Variants in TSKU observed in about 807,000 individuals in gnomAD.
The protein encoded by TSKU is tsukushi, small leucine rich proteoglycan.
Under a neutral mutation model 11.2 loss-of-function variants are expected in TSKU, and 4 were observed. The observed-to-expected ratio is 0.36, with a 90% CI of 0.18 to 0.82. TSKU has a LOEUF of 0.82. TSKU is among the 40% of genes least tolerant of loss of function. The pLI, the probability that TSKU is intolerant of heterozygous loss-of-function variation, is 0.50. For synonymous variants in TSKU, 220 were observed against 232.2 expected, an observed-to-expected ratio of 0.95 and a Z score of 0.48; for missense variants, 407 against 482.5, an observed-to-expected ratio of 0.84 and a Z score of 1.47.
At position 76,795,782 on chromosome 11, in the gene TSKU, A is replaced by G; in HGVS notation, c.166A>G (p.Ile56Val). 6.2e-7 allele frequency: 1 copy of G among 1,614,078 alleles called. No homozygotes were observed. The highest frequency in any genetic ancestry group is 1.1e-5 in the South Asian group (1 of 91,082). ...GLGPHIMPVP[I>V]PLDTAHLDLS... The stretch of plus-strand genomic sequence containing the variant: ...GGGCCCCCACATCATGCCGGTGCCC[A>G]TCCCTCTGGACACAGCCCACTTGGA... The change falls in exon 2 of 2, where the codon ATC becomes GTC. Residue 56 changes from isoleucine (I) to valine (V), a missense_variant. Ile to Val is a conservative substitution (Grantham distance 29). Transcript: ENST00000333090.
At chr11:76,786,451 T>C (rs1232842268) in intron 1 of TSKU, among the ~76,000 whole-genome samples, 2 of 152,122 alleles carry the variant, frequency 1.3e-5, no homozygotes, top group Admixed American at 6.5e-5. Context: ...GAACAACGTG[T>C]GCAAAAAGGC....
chr11:76,796,777 C>T lies in TSKU; in HGVS notation c.*99C>T, dbSNP rs1041594185. 1.3e-5 allele frequency: 13 copies of T among 971,870 alleles called. No individual in the cohort carries two copies. The highest frequency in any genetic ancestry group is 1.6e-5 in the African/African-American group (1 of 60,832). The allele number at this position is 971,870 out of a possible 1,614,324, so 60.2% of individuals were successfully genotyped here. A position where few individuals can be genotyped will look rare whatever the true frequency, so the allele number is the denominator to read the frequency against. Reference sequence around the variant, plus strand: ...AATGTGCCAACACCAGTGGGGAGCCCGCAGGCCTATGTGGCAGCGTCACCA... The same window carrying T: ...AATGTGCCAACACCAGTGGGGAGCCTGCAGGCCTATGTGGCAGCGTCACCA... On this transcript the variant is annotated 3_prime_UTR_variant, in exon 2 of 2. Transcript: ENST00000333090. The surrounding 1 kb of genome is among the most constrained non-coding windows in gnomAD (Gnocchi z 4.1).
rs755176014 is a variant in TSKU, at chr11:76,796,473, T to A, written c.857T>A (p.Leu286His). The A allele has an allele frequency of 1.9e-6, 3 of 1,613,214 alleles. No homozygotes were observed. The highest frequency in any genetic ancestry group is 3.3e-5 in the Admixed American group (2 of 60,024). ...CTGAGCTCCCTGCAGGAGCTGGACC[T>A]TTCGGGCACCAACCTGGTGCCCCTG... Reference protein sequence around the residue: ...SGLSSLQELDLSGTNLVPLPE... With the variant: ...SGLSSLQELDHSGTNLVPLPE... Residue 286 changes from leucine to histidine, a missense_variant, in exon 2 of 2, where the codon CTT becomes CAT. Coordinates refer to ENST00000333090, the MANE Select transcript of TSKU (RefSeq NM_015516.4). The surrounding 1 kb of genome is among the most constrained non-coding windows in gnomAD (Gnocchi z 4.1).
chr11:76,796,919 A>C lies in TSKU; in HGVS notation c.*241A>C. 1 of 366,652 alleles carries C rather than the reference A, an allele frequency of 2.7e-6. No individual in the cohort carries two copies. Among genetic ancestry groups the C allele is most frequent in the Non-Finnish European group, 5.1e-6 (1 of 196,190 alleles). The allele number at this position is 366,652 out of a possible 1,614,324, so 22.7% of individuals were successfully genotyped here. ...ATGAGCAGAGGGACTTCGATGCCAAACCAGACTCGGGTCCCCTCCTGCTTC... is the reference window on the plus strand; with the variant it reads ...ATGAGCAGAGGGACTTCGATGCCAACCCAGACTCGGGTCCCCTCCTGCTTC... On this transcript the variant is annotated 3_prime_UTR_variant, in exon 2 of 2. Coordinates refer to ENST00000333090, the MANE Select transcript of TSKU (RefSeq NM_015516.4). This position sits in a 1 kb window ranked among gnomAD's most constrained non-coding sequence, Gnocchi z 4.1.
At chr11:76,790,742 T>C (rs1438064562) in intron 1 of TSKU, among the ~76,000 whole-genome samples, 1 of 152,228 alleles carries the variant, frequency 6.6e-6, no homozygotes, top group East Asian at 1.9e-4. Context: ...CTTTCTTTTA[T>C]ATGTTGCCCA....
chr11:76,796,359 G>A lies in TSKU; in HGVS notation c.743G>A (p.Ser248Asn), dbSNP rs11236938. The A allele has an allele frequency of 0.037, 59,174 of 1,613,256 alleles. 2,294 individuals carry two copies. The highest frequency in any genetic ancestry group is 0.2 in the African/African-American group (15,369 of 75,020). The change falls in exon 2 of 2, where the codon AGT (serine) becomes AAT (asparagine). Residue 248 changes from serine to asparagine, a missense_variant. Coordinates refer to ENST00000333090, the MANE Select transcript of TSKU (RefSeq NM_015516.4). The surrounding 1 kb of genome is among the most constrained non-coding windows in gnomAD (Gnocchi z 4.1). ...SLQRLPELAP[S>N]GFRELPGLQV... ...CAGAGGCTCCCTGAGCTGGCGCCCA[G>A]TGGCTTCCGTGAGCTACCGGGCCTG...
Position 76,795,981 on chromosome 11 carries a change from C to T in TSKU, c.365C>T (p.Ala122Val). ...GACCTCAGCCACAATGGCCTGACAG[C>T]CCTGCCAGCCGAGAGCTTCACCAGC... The part of the protein sequence containing the change: ...SLDLSHNGLT[A>V]LPAESFTSSP... Residue 122 changes from alanine to valine, a missense_variant, in exon 2 of 2, where the codon GCC becomes GTC. Transcript: ENST00000333090. 1 of 1,613,946 alleles carries T rather than the reference C, an allele frequency of 6.2e-7. No homozygotes were observed. The highest frequency in any genetic ancestry group is 8.5e-7 in the Non-Finnish European group (1 of 1,180,040).
At chr11:76,789,868 C>T (rs1944348599) in intron 1 of TSKU, among the ~76,000 whole-genome samples, 1 of 152,020 alleles carries the variant, frequency 6.6e-6, no homozygotes, top group African/African-American at 2.4e-5. Flanking sequence ...CCAAAGAAAA[C>T]AGGGAAGGTC....
Position 76,798,107 on chromosome 11 carries a change from C to T in TSKU, c.*1429C>T. The T allele has an allele frequency of 6.0e-6, 1 of 167,264 alleles. No homozygotes were observed. 10.4% of individuals were successfully genotyped at this position (167,264 alleles called of 1,614,324 possible). Reference sequence around the variant, plus strand: ...CCCACCTGCCTAGCCCATCATCTATCTAACCGGTCCTTGATTTAATAAACA... The same window carrying T: ...CCCACCTGCCTAGCCCATCATCTATTTAACCGGTCCTTGATTTAATAAACA... On this transcript the variant is annotated 3_prime_UTR_variant, in exon 2 of 2. Coordinates refer to ENST00000333090, the MANE Select transcript of TSKU (RefSeq NM_015516.4).
rs75322226 is a variant in TSKU, at chr11:76,787,500, T to A, written c.-9+4096T>A. ...GACTCTGGACAGATCACAGAACCTC[T>A]CTGGACTTCTTAACACAGCTGTAAA... is the stretch of plus-strand genomic sequence containing the variant. On this transcript the variant is annotated intron_variant, in intron 1 of 1. Coordinates refer to ENST00000333090, the MANE Select transcript of TSKU (RefSeq NM_015516.4). Among the ~76,000 whole-genome samples, 1,272 of 152,296 alleles carry A rather than the reference T, an allele frequency of 8.4e-3. 13 individuals are homozygous for A. Among genetic ancestry groups the A allele is most frequent in the African/African-American group, 0.029 (1,192 of 41,548 alleles).
At chr11:76,787,996 C>G (rs1049949286) in intron 1 of TSKU, among the ~76,000 whole-genome samples, 1 of 152,194 alleles carries the variant, frequency 6.6e-6, no homozygotes, top group Non-Finnish European at 1.5e-5. Flanking sequence ...TCCAGATGTG[C>G]TGCATTGGTG....
At chr11:76,794,400 C>T (rs1329669705) in intron 1 of TSKU, among the ~76,000 whole-genome samples, 2 of 152,236 alleles carry the variant, frequency 1.3e-5, no homozygotes, top group Admixed American at 6.5e-5. Flanking sequence ...GACACTGGCT[C>T]ATGCCACAGC....
rs139836879 is a variant in TSKU, at chr11:76,796,378, G to A, written c.762G>A (p.Pro254=). The change falls in exon 2 of 2, where the codon CCG becomes CCA. Residue 254 remains proline, a synonymous_variant. Coordinates refer to ENST00000333090, the MANE Select transcript of TSKU (RefSeq NM_015516.4). The surrounding 1 kb of genome is among the most constrained non-coding windows in gnomAD (Gnocchi z 4.1). ...ELAPSGFREL[P]GLQVLDLSGN... is the part of the protein sequence containing the mutation. The stretch of plus-strand genomic sequence containing the variant: ...CGCCCAGTGGCTTCCGTGAGCTACC[G>A]GGCCTGCAGGTCCTGGACCTGTCGG... The A allele has an allele frequency of 3.0e-3, 4,862 of 1,613,352 alleles. 17 individuals are homozygous for A. The highest frequency in any genetic ancestry group is 4.0e-3 in the South Asian group (366 of 91,080).
Position 76,790,698 on chromosome 11 carries a change from C to T in TSKU, c.-8-4911C>T, listed in dbSNP as rs185473485. Among the ~76,000 whole-genome samples, 7 of 152,272 alleles carry T rather than the reference C, an allele frequency of 4.6e-5. No homozygotes were observed. The East Asian group carries it at 5.8e-4, about 13-fold the overall frequency. ...TCCGCCATGATTGTGAGACCTTCCC[C>T]GGCCACGTGGAATTGTTAAGTTCAA... On this transcript the variant is annotated intron_variant, in intron 1 of 1. Transcript: ENST00000333090.
intron 1 of TSKU, among the ~76,000 whole-genome samples, chr11:76,784,953 C>CA (rs990010271): frequency 2.6e-5 from 4 of 152,244 alleles, no homozygotes; most frequent in African/African-American, 9.6e-5. Context: ...TCTCCGGCCT[C>CA]AGTTTCCCTT....
At chr11:76,792,548 A>G (rs998340066) in intron 1 of TSKU, 1 of 152,198 alleles carries the variant, frequency 6.6e-6, no homozygotes, top group African/African-American at 2.4e-5. Context: ...ATCTCCCAGT[A>G]TTCCCATGTG....
At position 76,796,292 on chromosome 11, in the gene TSKU, G is replaced by C. The variant is rs564872747; in HGVS notation, c.676G>C (p.Ala226Pro). 9 of 1,613,298 alleles carry C rather than the reference G, an allele frequency of 5.6e-6. No homozygotes were observed. Among genetic ancestry groups the C allele is most frequent in the Non-Finnish European group, 7.6e-6 (9 of 1,180,000 alleles). The change falls in exon 2 of 2, where the codon GCG becomes CCG. Residue 226 changes from alanine to proline, a missense_variant. By Grantham distance (27) the Ala-to-Pro change is conservative. Transcript: ENST00000333090. This position sits in a 1 kb window ranked among gnomAD's most constrained non-coding sequence, Gnocchi z 4.1. ...PLAVIGPGAF[A>P]GLGGLTHLSL... Reference sequence around the variant, plus strand: ...AGCTGTCATTGGTCCGGGTGCCTTCGCGGGGCTGGGAGGCCTTACACACCT... The same window carrying C: ...AGCTGTCATTGGTCCGGGTGCCTTCCCGGGGCTGGGAGGCCTTACACACCT...
chr11:76,785,050 C>T (rs1944298219), intron 1 of TSKU, among the ~76,000 whole-genome samples: 1 of 152,210 alleles, frequency 6.6e-6, no homozygotes, highest in Admixed American at 6.5e-5. Flanking sequence ...GTTTAACCTA[C>T]ACCTCCATTC....
At chr11:76,787,864 T>A (rs555350508) in intron 1 of TSKU, among the ~76,000 whole-genome samples, 1 of 152,302 alleles carries the variant, frequency 6.6e-6, no homozygotes, top group Admixed American at 6.5e-5. Flanking sequence ...GGTCCTCTCC[T>A]TCCCAGCTGA....
Sources: allele counts gnomAD v4.1 joint callset (sites outside exome capture counted in the v4.1 genomes callset), GRCh38; gene constraint gnomAD v4.1.1; non-coding constraint Gnocchi (gnomAD v3.1); transcripts MANE v1.5; gene names NCBI Gene and HGNC (gene_info 2026-07-23, HGNC 2026-07-21).